PCDHGB7: variants seen among roughly 807,000 people sequenced by gnomAD.
PCDHGB7 encodes the protein protocadherin gamma subfamily B, 7.
A neutral mutation model predicts 61.4 loss-of-function variants in PCDHGB7; 37 were observed. The observed-to-expected ratio is 0.60, with a 90% CI of 0.46 to 0.79. The LOEUF (loss-of-function observed/expected upper bound fraction) is 0.79. Ranked by LOEUF, PCDHGB7 falls within the 30% of genes least tolerant of loss-of-function variation. The probability of loss-of-function intolerance (pLI) is 0.00; values close to 1 mark genes in which losing one functional copy is unlikely to be tolerated. For synonymous variants in PCDHGB7, 464 were observed against 503.5 expected (o/e 0.92, Z 1.05); for missense variants, 1,166 against 1,202.5 (o/e 0.97, Z 0.45).
rs1414210927 is a variant in PCDHGB7, at chr5:141,477,460, C to G, written c.2416-17347C>G. 1.9e-6 allele frequency: 3 copies of G among 1,614,014 alleles called. No homozygotes were observed. The highest frequency in any genetic ancestry group is 2.5e-6 in the Non-Finnish European group (3 of 1,180,028). On this transcript the variant is annotated intron_variant, in intron 1 of 3. Transcript: ENST00000398594. The surrounding 1 kb of genome is among the most constrained non-coding windows in gnomAD (Gnocchi z 4.9). ...TTACAATAGTGCGTGTTCAAGTGTC[C>G]GACATCAATGACAACCCTCCACAAT...
At chr5:141,492,385 G>A (rs1224771842) in intron 1 of PCDHGB7, among the ~76,000 whole-genome samples, 1 of 152,208 alleles carries the variant, frequency 6.6e-6, no homozygotes, top group Non-Finnish European at 1.5e-5. Context: ...GGCCTGTTCC[G>A]GTCCACTCGC....
intron 1 of PCDHGB7, among the ~76,000 whole-genome samples, chr5:141,462,192 T>C (rs1323806836): frequency 6.6e-6 from 1 of 152,198 alleles, no homozygotes; most frequent in Non-Finnish European, 1.5e-5. Context: ...ACTCCTGACC[T>C]CAGGTGATCC....
chr5:141,511,304 CTTGGGAAA>C lies in PCDHGB7; in HGVS notation c.*132_*139del. ...TGGTAGGGGCCAAGGCCATGCTCCC[CTTGGGAAA>C]CAGAAACAAGTGCCCAGTCAGCACC... is the stretch of plus-strand genomic sequence containing the variant. On this transcript the variant is annotated 3_prime_UTR_variant, in exon 4 of 4. Transcript: ENST00000398594. The C allele has an allele frequency of 2.0e-6, 3 of 1,490,438 alleles. No individual in the cohort carries two copies. The South Asian group carries it at 4.0e-5, about 20-fold the overall frequency. 92.3% of individuals were successfully genotyped at this position (1,490,438 alleles called of 1,614,324 possible). A position where few individuals can be genotyped will look rare whatever the true frequency, so the allele number is the denominator to read the frequency against.
chr5:141,450,258 T>A (rs1267755848), intron 1 of PCDHGB7, among the ~76,000 whole-genome samples: 1 of 152,096 alleles, frequency 6.6e-6, no homozygotes, highest in Non-Finnish European at 1.5e-5. Context: ...CCTCAAGTGA[T>A]CTGCCCACCT....
intron 1 of PCDHGB7, among the ~76,000 whole-genome samples, chr5:141,471,744 A>G (rs2099263733): frequency 6.6e-6 from 1 of 152,208 alleles, no homozygotes; most frequent in South Asian, 2.1e-4. Context: ...GAGACATAAC[A>G]TATTTGAGGG....
chr5:141,430,659 G>A, intron 1 of PCDHGB7: 1 of 1,110,600 alleles, frequency 9.0e-7, no homozygotes, highest in Non-Finnish European at 1.2e-6. Context: ...AACAACGGAG[G>A]AGCTCTGACT....
intron 1 of PCDHGB7, among the ~76,000 whole-genome samples, chr5:141,443,521 T>A (rs2098392520): frequency 6.6e-6 from 1 of 152,156 alleles, no homozygotes; most frequent in Admixed American, 6.6e-5. Context: ...TCTCTCCTTA[T>A]GACTTATTTA....
At chr5:141,505,306 T>C in intron 2 of PCDHGB7, 87 bp from the exon 3 acceptor site, 4 of 1,596,550 alleles carry the variant, frequency 2.5e-6, no homozygotes, top group Non-Finnish European at 3.4e-6. Context: ...GTTAGGGTAC[T>C]AGGTTTGGGA....
intron 1 of PCDHGB7, chr5:141,422,614 C>T (rs1207238896): frequency 6.2e-7 from 1 of 1,613,812 alleles, no homozygotes; most frequent in South Asian, 1.1e-5. Flanking sequence ...TGCCTACATT[C>T]CCGAAAACAA....
chr5:141,491,407 G>A lies in PCDHGB7; in HGVS notation c.2416-3400G>A. ...GAAGTGCCTTCAGGGAAACGCAGAC[G>A]GGGACGGGGGTGGAGGGCAGTGCTG... is the stretch of plus-strand genomic sequence containing the variant. On this transcript the variant is annotated intron_variant, in intron 1 of 3. Transcript: ENST00000398594. The surrounding 1 kb of genome is among the most constrained non-coding windows in gnomAD (Gnocchi z 6.9). The A allele has an allele frequency of 6.2e-7, 1 of 1,614,116 alleles. No individual in the cohort carries two copies. The highest frequency in any genetic ancestry group is 8.5e-7 in the Non-Finnish European group (1 of 1,180,000).
chr5:141,490,846 G>T lies in PCDHGB7; in HGVS notation c.2416-3961G>T. 1 of 1,613,880 alleles carries T rather than the reference G, an allele frequency of 6.2e-7. No individual in the cohort carries two copies. Among genetic ancestry groups the T allele is most frequent in the Non-Finnish European group, 8.5e-7 (1 of 1,179,906 alleles). ...GCAGATGCTGCAGATTGTGGTGGGG[G>T]TTCGAGACTCCGGCTCTCCCCCATT... On this transcript the variant is annotated intron_variant, in intron 1 of 3. Coordinates refer to ENST00000398594, the MANE Select transcript of PCDHGB7 (RefSeq NM_018927.4). This position sits in a 1 kb window ranked among gnomAD's most constrained non-coding sequence, Gnocchi z 5.4.
At chr5:141,433,358 C>CCTAG (rs1554125965) in intron 1 of PCDHGB7, 2 of 498,106 alleles carry the variant, frequency 4.0e-6, no homozygotes, top group African/African-American at 4.2e-5. Flanking sequence ...CTACTGTCTG[C>CCTAG]CTATCTATCT....
In PCDHGB7 at chr5:141,512,926, T is replaced by C. The variant is rs1438111849; in HGVS notation, c.*1753T>C. The C allele has an allele frequency of 6.6e-6, 1 of 152,216 alleles. No homozygotes were observed. The highest frequency in any genetic ancestry group is 1.5e-5 in the Non-Finnish European group (1 of 68,048). 9.4% of individuals were successfully genotyped at this position (152,216 alleles called of 1,614,324 possible). A position where few individuals can be genotyped will look rare whatever the true frequency, so the allele number is the denominator to read the frequency against. On this transcript the variant is annotated 3_prime_UTR_variant, in exon 4 of 4. Coordinates refer to ENST00000398594, the MANE Select transcript of PCDHGB7 (RefSeq NM_018927.4). ...CGCAAGTTTTATACTCTAATATTTA[T>C]ATGGCTTTTTTTCTTCGACAAAAAA...
chr5:141,468,339 A>G (rs1320544911), intron 1 of PCDHGB7: 2 of 151,348 alleles, frequency 1.3e-5, no homozygotes, highest in Non-Finnish European at 2.9e-5. Context: ...TCAAAAAAAA[A>G]AAAAAAAAAA....
Position 141,419,981 on chromosome 5 carries a change from AT to A in PCDHGB7, c.2124del (p.Leu709Ter), listed in dbSNP as rs1205154474. On this transcript the variant is annotated frameshift_variant, in exon 1 of 4. Coordinates refer to ENST00000398594, the MANE Select transcript of PCDHGB7 (RefSeq NM_018927.4). LOFTEE classifies it high-confidence loss of function. Reference sequence around the variant, plus strand: ...TTCTGTGCTCTTTCTCCTCGCGGTGATTCTAGCTATTGCTCTACGCCTGCGA... The same window carrying A: ...TTCTGTGCTCTTTCTCCTCGCGGTGATCTAGCTATTGCTCTACGCCTGCGA... ...LISVLFLLAV[I>X]LAIALRLRQS... is the part of the protein sequence containing the mutation. 1.2e-6 allele frequency: 2 copies of A among 1,614,052 alleles called. No individual in the cohort carries two copies. The highest frequency in any genetic ancestry group is 3.3e-5 in the Admixed American group (2 of 60,024).
intron 1 of PCDHGB7, among the ~76,000 whole-genome samples, chr5:141,474,102 AAAC>A (rs909174523): frequency 2.6e-4 from 40 of 152,286 alleles, no homozygotes; most frequent in African/African-American, 8.7e-4. Flanking sequence ...ACAACAACAA[AAAC>A]AACAACAACG....
Position 141,431,473 on chromosome 5 carries a change from C to A in PCDHGB7, c.2415+11199C>A, listed in dbSNP as rs750300971. 16 of 1,613,714 alleles carry A rather than the reference C, an allele frequency of 9.9e-6. 1 individual carries two copies. The highest frequency in any genetic ancestry group is 9.3e-5 in the African/African-American group (7 of 74,948). On this transcript the variant is annotated intron_variant, in intron 1 of 3. Transcript: ENST00000398594. This position sits in a 1 kb window ranked among gnomAD's most constrained non-coding sequence, Gnocchi z 4.8. Reference sequence around the variant, plus strand: ...TGATGGTTCTGGATGCGAACGACAACGCACCAGCGTTTGCTCAGCCCGAGT... The same window carrying A: ...TGATGGTTCTGGATGCGAACGACAAAGCACCAGCGTTTGCTCAGCCCGAGT...
At chr5:141,458,989 T>C (rs1341538997) in intron 1 of PCDHGB7, among the ~76,000 whole-genome samples, 1 of 152,134 alleles carries the variant, frequency 6.6e-6, no homozygotes, top group Non-Finnish European at 1.5e-5. Flanking sequence ...TGCCTCACCC[T>C]CCCAAAGTGC....
chr5:141,433,159 T>C, intron 1 of PCDHGB7: 2 of 1,613,968 alleles, frequency 1.2e-6, no homozygotes, highest in Non-Finnish European at 1.7e-6. Flanking sequence ...CGGTATTTTC[T>C]AAAGACAGTC....
Sources: gnomAD v4.1 joint callset for allele counts (sites outside exome capture counted in the v4.1 genomes callset) on GRCh38, gnomAD v4.1.1 for gene constraint, Gnocchi (gnomAD v3.1) non-coding constraint, MANE v1.5 for transcripts, NCBI Gene and HGNC (gene_info 2026-07-23, HGNC 2026-07-21) for gene names.